SMAP1: variants seen among roughly 807,000 people sequenced by gnomAD.
The protein encoded by SMAP1 is stromal membrane-associated protein 1.
SMAP1 carries 24 observed loss-of-function variants against 58.5 expected under a neutral mutation model. That is an observed-to-expected ratio of 0.41 (90% CI 0.30 to 0.58). The LOEUF is 0.58. Among genes scored for constraint, SMAP1 ranks in the 20% least tolerant of loss-of-function variants. The pLI, the probability that SMAP1 is intolerant of heterozygous loss-of-function variation, is 0.29. For missense variants in SMAP1, 563 were observed against 566.3 expected (o/e 0.99, Z 0.06); for synonymous variants, 216 against 196.6 (o/e 1.10, Z -0.82).
At chr6:70,807,075 C>T (rs1328285597) in intron 6 of SMAP1, among the ~76,000 whole-genome samples, 1 of 152,198 alleles carries the variant, frequency 6.6e-6, no homozygotes, top group Non-Finnish European at 1.5e-5. Context: ...GAACTGTGTT[C>T]ATATATAACC....
At chr6:70,745,656 G>C (rs1766000452) in intron 2 of SMAP1, among the ~76,000 whole-genome samples, 1 of 152,128 alleles carries the variant, frequency 6.6e-6, no homozygotes, top group African/African-American at 2.4e-5. Context: ...TGGCAATGTG[G>C]GCTCTTTTTT....
rs1429879999 is a variant in SMAP1, at chr6:70,859,498, TAAGTC to T, written c.1270-694_1270-690del. On this transcript the variant is annotated intron_variant, in intron 10 of 10. Coordinates refer to ENST00000370455, the MANE Select transcript of SMAP1 (RefSeq NM_001044305.3). ...ATGTTAGTGTCTTTGAAACTGTAAA[TAAGTC>T]AAGTCAAATGTATTAAATTAAGAAC... 7 of 880,974 alleles carry T rather than the reference TAAGTC, an allele frequency of 7.9e-6. No homozygotes were observed. The East Asian group carries it at 8.3e-5, about 10-fold the overall frequency. The allele number at this position is 880,974 out of a possible 1,614,324, so 54.6% of individuals were successfully genotyped here.
rs142608949 is a variant in SMAP1, at chr6:70,743,010, T to C, written c.252+10499T>C. On this transcript the variant is annotated intron_variant, in intron 2 of 10. Transcript: ENST00000370455. Reference sequence around the variant, plus strand: ...CACAACGCCTGAGAATTATGGGAGCTACAATTCAAGATGAGATTTGGGTGG... The same window carrying C: ...CACAACGCCTGAGAATTATGGGAGCCACAATTCAAGATGAGATTTGGGTGG... 6.9e-3 allele frequency among the ~76,000 whole-genome samples: 1,045 copies of C among 152,314 alleles called. 6 individuals carry two copies. The highest frequency in any genetic ancestry group is 8.7e-3 in the Non-Finnish European group (590 of 68,026).
At chr6:70,741,686 A>C (rs1292853635) in intron 2 of SMAP1, among the ~76,000 whole-genome samples, 1 of 152,204 alleles carries the variant, frequency 6.6e-6, no homozygotes, top group Non-Finnish European at 1.5e-5. Flanking sequence ...GCAGTGCCCC[A>C]GTGGGGACTC....
intron 6 of SMAP1, among the ~76,000 whole-genome samples, chr6:70,827,426 G>A (rs1446875016): frequency 6.6e-6 from 1 of 152,174 alleles, no homozygotes; most frequent in Non-Finnish European, 1.5e-5. Flanking sequence ...GGTCTGGTAT[G>A]AATTAATGGT....
At chr6:70,772,206 C>T (rs1365414410) in intron 3 of SMAP1, among the ~76,000 whole-genome samples, 2 of 152,154 alleles carry the variant, frequency 1.3e-5, no homozygotes, top group Non-Finnish European at 2.9e-5. Context: ...TTTTTTGTTT[C>T]ATCAGTGTCG....
At chr6:70,754,776 T>C (rs1766415964) in intron 2 of SMAP1, among the ~76,000 whole-genome samples, 1 of 152,122 alleles carries the variant, frequency 6.6e-6, no homozygotes, top group African/African-American at 2.4e-5. Context: ...CATACGTTGA[T>C]AAATGTGAAG....
intron 1 of SMAP1, among the ~76,000 whole-genome samples, chr6:70,716,157 A>G (rs1419539600): frequency 1.3e-5 from 2 of 152,172 alleles, no homozygotes; most frequent in African/African-American, 2.4e-5. Flanking sequence ...CATTTTTGCA[A>G]TTGGGAATTG....
intron 1 of SMAP1, among the ~76,000 whole-genome samples, chr6:70,682,924 G>C (rs1581992847): frequency 6.6e-6 from 1 of 151,978 alleles, no homozygotes; most frequent in Admixed American, 6.6e-5. Flanking sequence ...TGTAATCCCA[G>C]GTACTTGGGA....
chr6:70,750,162 T>C (rs1429893819), intron 2 of SMAP1, among the ~76,000 whole-genome samples: 2 of 152,178 alleles, frequency 1.3e-5, no homozygotes, highest in Non-Finnish European at 2.9e-5. Flanking sequence ...CTGTTTTCAG[T>C]AAAGCTGTTA....
chr6:70,832,140 C>T lies in SMAP1; in HGVS notation c.577-4801C>T, dbSNP rs546760942. 7.9e-5 allele frequency among the ~76,000 whole-genome samples: 12 copies of T among 152,076 alleles called. No homozygotes were observed. The South Asian group carries it at 2.3e-3, about 29-fold the overall frequency. Reference sequence around the variant, plus strand: ...TTTGGTTGTTATTTCGTTTAAGTTCCTTATAGATTCTGAAGATTAGACCTT... The same window carrying T: ...TTTGGTTGTTATTTCGTTTAAGTTCTTTATAGATTCTGAAGATTAGACCTT... On this transcript the variant is annotated intron_variant, in intron 6 of 10. Transcript: ENST00000370455.
At chr6:70,812,253 G>T (rs1408861668) in intron 6 of SMAP1, among the ~76,000 whole-genome samples, 2 of 152,164 alleles carry the variant, frequency 1.3e-5, no homozygotes, top group East Asian at 3.8e-4. Context: ...ATACCATTAG[G>T]TGGAAAGTAA....
intron 1 of SMAP1, among the ~76,000 whole-genome samples, chr6:70,700,111 G>A (rs1270777322): frequency 2.6e-5 from 4 of 152,112 alleles, no homozygotes; most frequent in Non-Finnish European, 5.9e-5. Context: ...GAGATAGTGA[G>A]TGAGTTCTCA....
rs1771677586 is a variant in SMAP1 at position 70,860,632 on chromosome 6, G to C, written c.*298G>C. ...CAGTTTTCCTCTCAATAAAATTATAGCTCTAATGTTTGCATATAAGGGAAG... is the reference window on the plus strand; with the variant it reads ...CAGTTTTCCTCTCAATAAAATTATACCTCTAATGTTTGCATATAAGGGAAG... On this transcript the variant is annotated 3_prime_UTR_variant, in exon 11 of 11. Coordinates refer to ENST00000370455, the MANE Select transcript of SMAP1 (RefSeq NM_001044305.3). 1 of 426,854 alleles carries C rather than the reference G, an allele frequency of 2.3e-6. No homozygotes were observed. The highest frequency in any genetic ancestry group is 4.1e-6 in the Non-Finnish European group (1 of 242,596). 26.4% of individuals were successfully genotyped at this position (426,854 alleles called of 1,614,324 possible). A position where few individuals can be genotyped will look rare whatever the true frequency, so the allele number is the denominator to read the frequency against.
rs1454894459 is a variant in SMAP1, at chr6:70,721,765, T to TA, written c.119-10612dup. Reference sequence around the variant, plus strand: ...ATGGTCGGAAGTGAAAGGCACTTCTTACATGGCAGCAGCAAAAGAAAATGA... The same window carrying TA: ...ATGGTCGGAAGTGAAAGGCACTTCTTAACATGGCAGCAGCAAAAGAAAATGA... On this transcript the variant is annotated intron_variant, in intron 1 of 10. Coordinates refer to ENST00000370455, the MANE Select transcript of SMAP1 (RefSeq NM_001044305.3). 8.5e-5 allele frequency among the ~76,000 whole-genome samples: 13 copies of TA among 152,264 alleles called. No individual in the cohort carries two copies. The East Asian group carries it at 2.3e-3, about 27-fold the overall frequency.
intron 4 of SMAP1, among the ~76,000 whole-genome samples, chr6:70,789,689 G>T (rs1768256968): frequency 7.9e-6 from 1 of 126,244 alleles, no homozygotes; most frequent in Admixed American, 9.3e-5. Flanking sequence ...TCAGGAGTTT[G>T]AGTCCAGCCT....
intron 1 of SMAP1, among the ~76,000 whole-genome samples, chr6:70,701,765 T>A (rs1384048861): frequency 6.6e-6 from 1 of 152,118 alleles, no homozygotes; most frequent in Non-Finnish European, 1.5e-5. Context: ...AATTCAAAAT[T>A]GTCTTCCCTA....
At position 70,797,608 on chromosome 6, in the gene SMAP1, T is replaced by C. The variant is rs373318849; in HGVS notation, c.496-1049T>C. On this transcript the variant is annotated intron_variant, in intron 5 of 10. Transcript: ENST00000370455. ...GGTTGCAAAGCCCTTTGAACTTTTATTATTTCTCTCACATTATGGCCTGGG... is the reference window on the plus strand; with the variant it reads ...GGTTGCAAAGCCCTTTGAACTTTTACTATTTCTCTCACATTATGGCCTGGG... Among the ~76,000 whole-genome samples, 16 of 152,300 alleles carry C rather than the reference T, an allele frequency of 1.1e-4. No individual in the cohort carries two copies. The East Asian group carries it at 2.7e-3, about 26-fold the overall frequency.
At chr6:70,723,467 G>A (rs1768621504) in intron 1 of SMAP1, among the ~76,000 whole-genome samples, 1 of 152,134 alleles carries the variant, frequency 6.6e-6, no homozygotes, top group Admixed American at 6.5e-5. Flanking sequence ...ATAGCTGCAT[G>A]GTTTGTTCCC....
Sources: allele counts gnomAD v4.1 joint callset (sites outside exome capture counted in the v4.1 genomes callset), GRCh38; gene constraint gnomAD v4.1.1; transcripts MANE v1.5; gene names NCBI Gene and HGNC (gene_info 2026-07-23, HGNC 2026-07-21).